FBN3: variants seen among roughly 807,000 people sequenced by gnomAD.
FBN3 encodes the protein fibrillin-3.
FBN3 carries 234 observed loss-of-function variants against 330.1 expected under a neutral mutation model. The observed-to-expected ratio is 0.71, with a 90% confidence interval of 0.64 to 0.79. The LOEUF is 0.79. FBN3 is among the 30% of genes least tolerant of loss of function. The pLI, the probability that FBN3 is intolerant of heterozygous loss-of-function variation, is 0.00. For missense variants in FBN3, 3,606 were observed against 3,886.9 expected (o/e 0.93, Z 1.92); for synonymous variants, 1,458 against 1,517.3 (o/e 0.96, Z 0.91).
intron 63 of FBN3, among the ~76,000 whole-genome samples, chr19:8,069,879 T>C (rs1370246184): frequency 6.6e-6 from 1 of 152,198 alleles, no homozygotes; most frequent in Non-Finnish European, 1.5e-5. Context: ...TGAGGTGGGC[T>C]GATCACTTGA....
In FBN3 at chr19:8,086,284, C is replaced by G. The variant is rs765414073; in HGVS notation, c.6796G>C (p.Gly2266Arg). 3.1e-6 allele frequency: 5 copies of G among 1,611,722 alleles called. No homozygotes were observed. Among genetic ancestry groups the G allele is most frequent in the Admixed American group, 3.3e-5 (2 of 59,838 alleles). ...CTGCCCGCGGTGTTGACACAGCGGC[C>G]GTTGACACAGAGGTCAGGCTGAGCG... ...CHAQPDLCVN[G>R]RCVNTAGSFR... is the part of the protein sequence containing the mutation. The change falls in exon 55 of 64, where the codon GGC (glycine) becomes CGC (arginine). Residue 2266 changes from glycine (G) to arginine (R), a missense_variant. Transcript: ENST00000600128.
intron 18 of FBN3, among the ~76,000 whole-genome samples, chr19:8,128,550 A>G (rs1211404197): frequency 6.6e-6 from 1 of 150,954 alleles, no homozygotes; most frequent in Middle Eastern, 3.2e-3. Flanking sequence ...GTGATAGAGC[A>G]AGACTCTGTC....
chr19:8,142,212 C>G (rs1453116163), intron 6 of FBN3, 75 bp from the exon 7 acceptor site: 2 of 1,203,276 alleles, frequency 1.7e-6, no homozygotes, highest in Non-Finnish European at 2.3e-6. Flanking sequence ...CTAACACCTT[C>G]TCAGCGGCCC....
At position 8,097,089 on chromosome 19, in the gene FBN3, C is replaced by T. The variant is rs565194224; in HGVS notation, c.5288-83G>A. The T allele has an allele frequency of 1.5e-4, 226 of 1,554,888 alleles. No individual in the cohort carries two copies. In the African/African-American group the frequency reaches 1.8e-3, roughly 13 times the overall value. On this transcript the variant is annotated intron_variant, in intron 42 of 63. Transcript: ENST00000600128. ...AAACGTGAAACCCAGTCCACTGCTT[C>T]GGAGCAGGTGGTTTCTCTGGAAGCA...
intron 1 of FBN3, 34 bp from the exon 2 acceptor site, chr19:8,147,531 GCC>G: frequency 7.1e-7 from 1 of 1,404,850 alleles, no homozygotes; most frequent in East Asian, 2.6e-5. Context: ...CCCTAGATGA[GCC>G]CCCCACCCTA....
intron 63 of FBN3, among the ~76,000 whole-genome samples, chr19:8,069,132 C>A (rs969813143): frequency 6.6e-6 from 1 of 152,132 alleles, no homozygotes; most frequent in Non-Finnish European, 1.5e-5. Flanking sequence ...CCAAGCAGGG[C>A]TGGAGAGGAG....
Position 8,129,095 on chromosome 19 carries a change from G to A in FBN3, c.2229C>T (p.Ser743=), listed in dbSNP as rs2083064014. 3 of 1,613,136 alleles carry A rather than the reference G, an allele frequency of 1.9e-6. No homozygotes were observed. Among genetic ancestry groups the A allele is most frequent in the African/African-American group, 2.7e-5 (2 of 74,988 alleles). The change falls in exon 18 of 64, where the codon AGC becomes AGT. Residue 743 remains serine, a synonymous_variant. Transcript: ENST00000600128. This position sits in a 1 kb window ranked among gnomAD's most constrained non-coding sequence, Gnocchi z 4.5. ...LLCDNGWCQN[S]PGSYSCSCPP... ...GGCAGGAGCAGCTGTAGCTGCCAGG[G>A]CTATTCTGGCACCACCCGTTGTCAC...
In FBN3 at chr19:8,073,220, C is replaced by A. The variant is rs35318692; in HGVS notation, c.7780G>T (p.Val2594Phe). The change falls in exon 62 of 64, where the codon GTC becomes TTC. Residue 2594 changes from valine to phenylalanine, a missense_variant. Transcript: ENST00000600128. Reference sequence around the variant, plus strand: ...TCAAAGTCAAAGCCAGAGGGGCAGACGCAGCGGAAGCCACCAAGAGTGTTG... The same window carrying A: ...TCAAAGTCAAAGCCAGAGGGGCAGAAGCAGCGGAAGCCACCAAGAGTGTTG... Reference protein sequence around the residue: ...CRNTLGGFRCVCPSGFDFDQA... With the variant: ...CRNTLGGFRCFCPSGFDFDQA... 4.3e-6 allele frequency: 7 copies of A among 1,613,940 alleles called. No individual in the cohort carries two copies. In the African/African-American group the frequency reaches 8.0e-5, roughly 18 times the overall value.
chr19:8,081,231 C>T (rs897852823), intron 58 of FBN3, 112 bp from the exon 59 acceptor site: 34 of 1,480,010 alleles, frequency 2.3e-5, no homozygotes, highest in African/African-American at 9.7e-5. Context: ...AGAAAGACCT[C>T]GGAGATGGTG....
chr19:8,082,608 C>T (rs752523474), intron 57 of FBN3, among the ~76,000 whole-genome samples: 1 of 152,028 alleles, frequency 6.6e-6, no homozygotes, highest in Non-Finnish European at 1.5e-5. Flanking sequence ...ATTCTCCTGC[C>T]TCAGCCTCCC....
intron 42 of FBN3, 68 bp from the exon 43 acceptor site, chr19:8,097,074 C>A: frequency 6.3e-7 from 1 of 1,576,318 alleles, no homozygotes; most frequent in Non-Finnish European, 8.6e-7. Flanking sequence ...AAACGTGAAA[C>A]CCAGTCCACT....
chr19:8,111,538 C>T (rs549034557), intron 32 of FBN3, 110 bp downstream of exon 32: 2 of 1,239,880 alleles, frequency 1.6e-6, no homozygotes, highest in Admixed American at 2.5e-5. Flanking sequence ...CACAGAGCGG[C>T]GATTGAGTCA....
intron 59 of FBN3, among the ~76,000 whole-genome samples, chr19:8,075,634 CTG>C (rs1274115734): frequency 6.6e-6 from 1 of 152,220 alleles, no homozygotes; most frequent in Admixed American, 6.5e-5. Context: ...CGCCTCGAAG[CTG>C]TGTGTCCTTG....
chr19:8,109,073 A>G lies in FBN3; in HGVS notation c.4618+154T>C, dbSNP rs1290360070. On this transcript the variant is annotated intron_variant, in intron 36 of 63. Coordinates refer to ENST00000600128, the MANE Select transcript of FBN3 (RefSeq NM_032447.5). This position sits in a 1 kb window ranked among gnomAD's most constrained non-coding sequence, Gnocchi z 5.2. ...CAGCCAATGAACTACCAAGACGTAC[A>G]CTGTGTGACCCAGGATGAGCCCCTC... 1.3e-5 allele frequency among the ~76,000 whole-genome samples: 2 copies of G among 152,118 alleles called. No homozygotes were observed. The highest frequency in any genetic ancestry group is 4.8e-5 in the African/African-American group (2 of 41,404).
At chr19:8,103,738 G>T in intron 38 of FBN3, 51 bp from the exon 39 acceptor site, 1 of 1,587,638 alleles carries the variant, frequency 6.3e-7, no homozygotes. Context: ...TCCAGGAATT[G>T]TCTGAATAAC....
At chr19:8,122,028 T>G (rs1219496682) in intron 24 of FBN3, among the ~76,000 whole-genome samples, 2 of 151,632 alleles carry the variant, frequency 1.3e-5, no homozygotes, top group Non-Finnish European at 2.9e-5. Flanking sequence ...GGATTATAGG[T>G]GTGAGCCACT....
At position 8,120,169 on chromosome 19, in the gene FBN3, T is replaced by C. The variant is rs553750007; in HGVS notation, c.3211+1089A>G. ...TTTCTTTTTCTTTCTTTCTTTCTTT[T>C]TTTTTTTTTTTTAATTTGGAGACAG... On this transcript the variant is annotated intron_variant, in intron 25 of 63. Coordinates refer to ENST00000600128, the MANE Select transcript of FBN3 (RefSeq NM_032447.5). Among the ~76,000 whole-genome samples, 28 of 148,848 alleles carry C rather than the reference T, an allele frequency of 1.9e-4. No homozygotes were observed. In the East Asian group the frequency reaches 3.7e-3, roughly 20 times the overall value.
intron 63 of FBN3, among the ~76,000 whole-genome samples, chr19:8,070,518 G>A (rs2081488386): frequency 6.6e-6 from 1 of 152,202 alleles, no homozygotes; most frequent in South Asian, 2.1e-4. Context: ...TCCATGCTCA[G>A]TGATAATTGT....
chr19:8,096,363 A>G lies in FBN3; in HGVS notation c.5539+81T>C. Reference sequence around the variant, plus strand: ...GATCTCTTTGTGAACTAGGATGGACAGAAACACCACTTCCATCCCAGGGGA... The same window carrying G: ...GATCTCTTTGTGAACTAGGATGGACGGAAACACCACTTCCATCCCAGGGGA... On this transcript the variant is annotated intron_variant, in intron 44 of 63. Transcript: ENST00000600128. This position sits in a 1 kb window ranked among gnomAD's most constrained non-coding sequence, Gnocchi z 4.6. 6.6e-7 allele frequency: 1 copy of G among 1,507,932 alleles called. No homozygotes were observed. Among genetic ancestry groups the G allele is most frequent in the South Asian group, 1.3e-5 (1 of 78,700 alleles). The allele number at this position is 1,507,932 out of a possible 1,614,324, so 93.4% of individuals were successfully genotyped here. A position where few individuals can be genotyped will look rare whatever the true frequency, so the allele number is the denominator to read the frequency against.
Sources: gnomAD v4.1 joint callset for allele counts (sites outside exome capture counted in the v4.1 genomes callset) on GRCh38, gnomAD v4.1.1 for gene constraint, Gnocchi (gnomAD v3.1) non-coding constraint, MANE v1.5 for transcripts, NCBI Gene and HGNC (gene_info 2026-07-23, HGNC 2026-07-21) for gene names.